GLIS1: variants seen among roughly 807,000 people sequenced by gnomAD.
GLIS1 encodes the protein zinc finger protein GLIS1.
Under a neutral mutation model 63.8 loss-of-function variants are expected in GLIS1, and 24 were observed. The ratio of observed to expected loss-of-function variants is 0.38; its 90% CI spans 0.27 to 0.53. The LOEUF (loss-of-function observed/expected upper bound fraction) is 0.53, where lower values mean the gene tolerates loss of function less well. Ranked by LOEUF, GLIS1 falls within the 20% of genes least tolerant of loss-of-function variation. The probability of loss-of-function intolerance (pLI) is 0.85; values close to 1 mark genes in which losing one functional copy is unlikely to be tolerated. For missense variants in GLIS1, 1,036 were observed against 1,074.1 expected (o/e 0.96, Z 0.50); for synonymous variants, 450 against 482.5 (o/e 0.93, Z 0.88).
In GLIS1 at chr1:53,539,956, A is replaced by G. The variant is rs1336354714; in HGVS notation, c.1321-10004T>C. 1.3e-5 allele frequency among the ~76,000 whole-genome samples: 2 copies of G among 152,116 alleles called. No individual in the cohort carries two copies. Among genetic ancestry groups the G allele is most frequent in the East Asian group, 3.9e-4 (2 of 5,186 alleles). ...CCACAGGCCACACATTGCCGCCTCCACGCCTTTGCCCATGCGGTGTCCTCT... is the reference window on the plus strand; with the variant it reads ...CCACAGGCCACACATTGCCGCCTCCGCGCCTTTGCCCATGCGGTGTCCTCT... On this transcript the variant is annotated intron_variant, in intron 4 of 10. Coordinates refer to ENST00000628545, the MANE Select transcript of GLIS1 (RefSeq NM_001367484.1). This position sits in a 1 kb window ranked among gnomAD's most constrained non-coding sequence, Gnocchi z 5.0.
chr1:53,681,798 C>T (rs59500833), intron 2 of GLIS1, among the ~76,000 whole-genome samples: 1,712 of 151,792 alleles, frequency 0.011, 25 homozygotes, highest in African/African-American at 0.04. Context: ...TGAGTGCATT[C>T]GAGGTTGCTG....
chr1:53,519,254 C>T (rs1040574524), intron 7 of GLIS1, among the ~76,000 whole-genome samples: 8 of 152,082 alleles, frequency 5.3e-5, no homozygotes, highest in African/African-American at 1.9e-4. Context: ...GGGTGCAGAC[C>T]CTCCCCCAGG....
chr1:53,598,616 T>C lies in GLIS1; in HGVS notation c.437+1485A>G, dbSNP rs1323025293. Among the ~76,000 whole-genome samples, 1 of 151,764 alleles carries C rather than the reference T, an allele frequency of 6.6e-6. No individual in the cohort carries two copies. Among genetic ancestry groups the C allele is most frequent in the Non-Finnish European group, 1.5e-5 (1 of 68,018 alleles). ...AGCGACAAGGCGGTCATCTGCGAGC[T>C]AAGGAGAGAGGCCTCAGAAGAAACC... On this transcript the variant is annotated intron_variant, in intron 3 of 10. Transcript: ENST00000628545. The surrounding 1 kb of genome is among the most constrained non-coding windows in gnomAD (Gnocchi z 4.6).
chr1:53,608,739 A>T (rs896537337), intron 2 of GLIS1, among the ~76,000 whole-genome samples: 3 of 152,320 alleles, frequency 2.0e-5, no homozygotes, highest in African/African-American at 7.2e-5. Context: ...TGTTGTTCTT[A>T]TTAATCCCAC....
chr1:53,626,315 C>A (rs1430653946), intron 2 of GLIS1, among the ~76,000 whole-genome samples: 1 of 152,188 alleles, frequency 6.6e-6, no homozygotes, highest in Non-Finnish European at 1.5e-5. Flanking sequence ...CCACCACACC[C>A]CTCCCTCCGG....
intron 4 of GLIS1, among the ~76,000 whole-genome samples, chr1:53,546,967 C>A (rs1292022042): frequency 6.6e-6 from 1 of 152,164 alleles, no homozygotes; most frequent in South Asian, 2.1e-4. Context: ...AAGGCTGACA[C>A]AGAATGGACC....
chr1:53,523,887 C>T (rs1367238285), intron 6 of GLIS1, among the ~76,000 whole-genome samples: 4 of 152,206 alleles, frequency 2.6e-5, no homozygotes, highest in African/African-American at 9.7e-5. Context: ...GCCCACACCA[C>T]CTCTCCTCAC....
intron 7 of GLIS1, among the ~76,000 whole-genome samples, chr1:53,515,079 ATGTGTGTGTGTGTGTGTGTG>A (rs5774151): frequency 1.4e-5 from 2 of 141,994 alleles, no homozygotes; most frequent in East Asian, 2.1e-4. Flanking sequence ...GTGTGTGTAT[ATGTGTGTGTGTGTGTGTGTG>A]TGTGTGTGTG....
intron 2 of GLIS1, among the ~76,000 whole-genome samples, chr1:53,690,242 G>A (rs188782390): frequency 3.9e-5 from 6 of 152,326 alleles, no homozygotes; most frequent in Admixed American, 1.3e-4. Flanking sequence ...TCGGCACCAC[G>A]ACACCGCATC....
intron 2 of GLIS1, among the ~76,000 whole-genome samples, chr1:53,689,497 G>A (rs1192985549): frequency 2.6e-5 from 4 of 152,012 alleles, no homozygotes; most frequent in African/African-American, 4.8e-5. Context: ...GCTGAGAGCC[G>A]GCCAGACCAG....
chr1:53,723,085 A>T (rs1446224132), intron 2 of GLIS1, among the ~76,000 whole-genome samples: 1 of 152,008 alleles, frequency 6.6e-6, no homozygotes, highest in Non-Finnish European at 1.5e-5. Context: ...GTGAGCCAAG[A>T]TCGTGACACT....
intron 4 of GLIS1, among the ~76,000 whole-genome samples, chr1:53,569,216 T>C (rs1221956265): frequency 6.6e-6 from 1 of 152,202 alleles, no homozygotes; most frequent in Admixed American, 6.5e-5. Flanking sequence ...GGTCCTATAA[T>C]GGTAGATACA....
chr1:53,689,714 G>A (rs548063958), intron 2 of GLIS1, among the ~76,000 whole-genome samples: 2 of 152,166 alleles, frequency 1.3e-5, no homozygotes, highest in Non-Finnish European at 2.9e-5. Context: ...CACAGTAACA[G>A]CCTGAGACCA....
chr1:53,732,642 T>G (rs1293704317), intron 2 of GLIS1, among the ~76,000 whole-genome samples: 1 of 152,168 alleles, frequency 6.6e-6, no homozygotes, highest in Non-Finnish European at 1.5e-5. Context: ...TTTTGCATAA[T>G]GCAGTCCAAG....
intron 2 of GLIS1, among the ~76,000 whole-genome samples, chr1:53,695,003 G>A (rs74615246): frequency 0.023 from 3,428 of 152,254 alleles, 123 homozygotes; most frequent in African/African-American, 0.075. Context: ...TAGGGACCAC[G>A]GCCAGGCAGC....
At chr1:53,571,513 C>T (rs1644983473) in intron 4 of GLIS1, among the ~76,000 whole-genome samples, 1 of 152,154 alleles carries the variant, frequency 6.6e-6, no homozygotes, top group Admixed American at 6.5e-5. Flanking sequence ...TTGAGTTATT[C>T]ACAGAATGTA....
At chr1:53,670,290 A>AT (rs1413937612) in intron 2 of GLIS1, among the ~76,000 whole-genome samples, 2 of 152,186 alleles carry the variant, frequency 1.3e-5, no homozygotes, top group Admixed American at 1.3e-4. Flanking sequence ...GCTGTGTGAG[A>AT]TTTTTAAAAC....
intron 4 of GLIS1, among the ~76,000 whole-genome samples, chr1:53,583,388 C>T (rs1645104922): frequency 6.6e-6 from 1 of 152,210 alleles, no homozygotes; most frequent in African/African-American, 2.4e-5. Context: ...AACAAAGGGG[C>T]TGCTAGATGG....
intron 2 of GLIS1, among the ~76,000 whole-genome samples, chr1:53,715,400 G>A (rs2100535432): frequency 6.6e-6 from 1 of 152,314 alleles, no homozygotes; most frequent in African/African-American, 2.4e-5. Context: ...TCCAAGTGTG[G>A]CAAGAGAGGC....
Sources: allele counts gnomAD v4.1 joint callset (sites outside exome capture counted in the v4.1 genomes callset), GRCh38; gene constraint gnomAD v4.1.1; non-coding constraint Gnocchi (gnomAD v3.1); transcripts MANE v1.5; gene names NCBI Gene and HGNC (gene_info 2026-07-23, HGNC 2026-07-21).